CADM2: variants seen among roughly 807,000 people sequenced by gnomAD.
The protein encoded by CADM2 is cell adhesion molecule 2.
CADM2 carries 12 observed loss-of-function variants against 49.8 expected under a neutral mutation model. The observed-to-expected ratio is 0.24, with a 90% confidence interval of 0.15 to 0.39. CADM2 has a LOEUF of 0.39. CADM2 is among the 10% of genes least tolerant of loss of function. The pLI is 1.00. For missense variants in CADM2, 378 were observed against 492.3 expected (o/e 0.77, Z 2.20); for synonymous variants, 214 against 175.4 (o/e 1.22, Z -1.74).
intron 1 of CADM2, among the ~76,000 whole-genome samples, chr3:85,493,731 C>T (rs2039771801): frequency 6.6e-6 from 1 of 152,132 alleles, no homozygotes; most frequent in Non-Finnish European, 1.5e-5. Context: ...TGGTCATTGC[C>T]TTCAATGCCT....
intron 1 of CADM2, among the ~76,000 whole-genome samples, chr3:85,486,393 A>G (rs1024055117): frequency 7.9e-5 from 12 of 152,198 alleles, no homozygotes; most frequent in Admixed American, 4.6e-4. Context: ...ATTTACATAA[A>G]TATGCTGGAT....
At chr3:85,683,934 G>T (rs1259075912) in intron 1 of CADM2, among the ~76,000 whole-genome samples, 2 of 152,098 alleles carry the variant, frequency 1.3e-5, no homozygotes, top group Non-Finnish European at 2.9e-5. Flanking sequence ...AAATTGTGAT[G>T]CCTCTGTGTG....
At chr3:85,078,958 TA>T (rs574677726) in intron 1 of CADM2, among the ~76,000 whole-genome samples, 1 of 151,498 alleles carries the variant, frequency 6.6e-6, no homozygotes. Context: ...AACTACCTTA[TA>T]AAAAAAAGAG....
intron 1 of CADM2, among the ~76,000 whole-genome samples, chr3:85,077,106 G>A (rs2036975181): frequency 6.6e-6 from 1 of 152,072 alleles, no homozygotes; most frequent in Non-Finnish European, 1.5e-5. Flanking sequence ...TTCTGTCTAG[G>A]GAAGCTAGAG....
rs114380341 is a variant in CADM2 at position 85,718,710 on chromosome 3, T to C, written c.62-7812T>C. Among the ~76,000 whole-genome samples the C allele has an allele frequency of 1.7e-3, 261 of 151,866 alleles. 1 individual carries two copies. Among genetic ancestry groups the C allele is most frequent in the African/African-American group, 5.8e-3 (242 of 41,472 alleles). ...AAATTTAATATAAAATATCAGTTATTTTGCTATGTATAATTCAGTATTTAT... is the reference window on the plus strand; with the variant it reads ...AAATTTAATATAAAATATCAGTTATCTTGCTATGTATAATTCAGTATTTAT... On this transcript the variant is annotated intron_variant, in intron 1 of 9. Coordinates refer to ENST00000383699, the MANE Select transcript of CADM2 (RefSeq NM_001167675.2).
chr3:85,390,554 T>C (rs903189900), intron 1 of CADM2, among the ~76,000 whole-genome samples: 6 of 152,060 alleles, frequency 3.9e-5, no homozygotes, highest in African/African-American at 1.2e-4. Context: ...ATCCAATGTC[T>C]ATTCCTGTTT....
At chr3:85,737,528 G>A (rs2068188019) in intron 2 of CADM2, among the ~76,000 whole-genome samples, 1 of 151,200 alleles carries the variant, frequency 6.6e-6, no homozygotes, top group Admixed American at 6.6e-5. Context: ...CCTAAACTTC[G>A]AAAGAGTCAT....
chr3:85,009,794 A>C (rs2033900807), intron 1 of CADM2, among the ~76,000 whole-genome samples: 1 of 151,842 alleles, frequency 6.6e-6, no homozygotes, highest in Admixed American at 6.6e-5. Flanking sequence ...TGAACCCCGG[A>C]GGTGGAGGTT....
chr3:85,563,417 G>GGGGT (rs2062158907), intron 1 of CADM2, among the ~76,000 whole-genome samples: 1 of 147,122 alleles, frequency 6.8e-6, no homozygotes, highest in Admixed American at 6.8e-5. Context: ...TGTGTGGGGG[G>GGGGT]GTGGTAATTT....
chr3:85,751,044 C>G (rs1271326477), intron 2 of CADM2, among the ~76,000 whole-genome samples: 1 of 151,890 alleles, frequency 6.6e-6, no homozygotes. Context: ...AGTAATTACC[C>G]AGAAATCTTG....
At chr3:85,569,313 T>C (rs1227092662) in intron 1 of CADM2, among the ~76,000 whole-genome samples, 3 of 151,792 alleles carry the variant, frequency 2.0e-5, no homozygotes, top group Admixed American at 1.3e-4. Flanking sequence ...TGCTATTCCA[T>C]GGTAAGACTA....
intron 8 of CADM2, among the ~76,000 whole-genome samples, chr3:85,973,168 T>G (rs1000885832): frequency 6.6e-6 from 1 of 151,864 alleles, no homozygotes; most frequent in South Asian, 2.1e-4. Flanking sequence ...CTATTGCCTA[T>G]CTACTGGTAT....
At chr3:84,998,064 A>G (rs1041765532) in intron 1 of CADM2, among the ~76,000 whole-genome samples, 32 of 152,208 alleles carry the variant, frequency 2.1e-4, no homozygotes, top group Admixed American at 5.9e-4. Flanking sequence ...ATTGTATGAA[A>G]AGGCAAGACA....
chr3:85,792,896 G>A (rs942045643), intron 2 of CADM2, among the ~76,000 whole-genome samples: 1 of 151,870 alleles, frequency 6.6e-6, no homozygotes, highest in African/African-American at 2.4e-5. Context: ...CTATCACAGA[G>A]GTAAGAGTGG....
At chr3:85,962,885 CA>C (rs1725014084) in intron 8 of CADM2, among the ~76,000 whole-genome samples, 1 of 151,798 alleles carries the variant, frequency 6.6e-6, no homozygotes, top group Non-Finnish European at 1.5e-5. Context: ...AAACTATGGA[CA>C]AAATATGTTT....
intron 1 of CADM2, among the ~76,000 whole-genome samples, chr3:85,220,336 G>T (rs1192417091): frequency 6.6e-6 from 1 of 152,016 alleles, no homozygotes; most frequent in Non-Finnish European, 1.5e-5. Context: ...GGAAAATTTG[G>T]TGACATGTTT....
chr3:85,764,533 C>A (rs1251438389), intron 2 of CADM2, among the ~76,000 whole-genome samples: 1 of 152,042 alleles, frequency 6.6e-6, no homozygotes, highest in East Asian at 1.9e-4. Context: ...AAAGTCAAGT[C>A]TTTAGCACCA....
chr3:85,678,300 G>C (rs1481296958), intron 1 of CADM2, among the ~76,000 whole-genome samples: 3 of 152,062 alleles, frequency 2.0e-5, no homozygotes, highest in Admixed American at 6.6e-5. Flanking sequence ...AGATTGATAA[G>C]GCCATCTTTT....
At chr3:85,359,667 T>TATATATATATATATATATATATATATA (rs1491224693) in intron 1 of CADM2, among the ~76,000 whole-genome samples, 3 of 16,500 alleles carry the variant, frequency 1.8e-4, no homozygotes, top group Non-Finnish European at 2.7e-4. Context: ...TATATATATA[T>TATATATATATATATATATATATATATA]TTTTTTTTTT....
Sources: gnomAD v4.1 joint callset for allele counts (sites outside exome capture counted in the v4.1 genomes callset) on GRCh38, gnomAD v4.1.1 for gene constraint, MANE v1.5 for transcripts, NCBI Gene and HGNC (gene_info 2026-07-23, HGNC 2026-07-21) for gene names.